TEX9: variants seen among roughly 807,000 people sequenced by gnomAD.
TEX9 encodes the protein testis-expressed protein 9.
TEX9 carries 74 observed loss-of-function variants against 59.6 expected under a neutral mutation model. The observed-to-expected ratio is 1.24, with a 90% CI of 1.03 to 1.51. The LOEUF (loss-of-function observed/expected upper bound fraction) is 1.51. TEX9 is among the 40% of genes most tolerant of loss of function. TEX9 has a pLI of 0.00. For synonymous variants in TEX9, 186 were observed against 152.2 expected, an observed-to-expected ratio of 1.22 and a Z score of -1.64; for missense variants, 522 against 447.8, an observed-to-expected ratio of 1.17 and a Z score of -1.49.
intron 1 of TEX9, among the ~76,000 whole-genome samples, chr15:56,260,809 T>G (rs1433854456): frequency 6.6e-6 from 1 of 152,022 alleles, no homozygotes; most frequent in African/African-American, 2.4e-5. Flanking sequence ...AAAGAGGTTA[T>G]GTAGGATTGA....
chr15:56,352,249 C>T (rs1316075786), intron 1 of TEX9, among the ~76,000 whole-genome samples: 1 of 150,468 alleles, frequency 6.6e-6, no homozygotes, highest in African/African-American at 2.4e-5. Flanking sequence ...AGTTAATTGC[C>T]GTCTTCTTTT....
the TEX9 span, among the ~76,000 whole-genome samples, chr15:56,457,732 C>A: frequency 6.6e-6 from 1 of 151,450 alleles, no homozygotes; most frequent in Non-Finnish European, 1.5e-5. Context: ...GGAGGACCGC[C>A]GGAGACCAGG....
At chr15:56,446,796 T>C, downstream of TEX9, 1 of 1,408,274 alleles carries the variant, frequency 7.1e-7, no homozygotes, top group East Asian at 2.3e-5. Context: ...CTAATTTTTA[T>C]TTTCTAAATG....
At chr15:56,447,399 T>C (rs2050914016), downstream of TEX9, 1 of 153,586 alleles carries the variant, frequency 6.5e-6, no homozygotes, top group Non-Finnish European at 1.5e-5. Context: ...AGTACTAATA[T>C]CTTTACATTA....
At chr15:56,246,505 G>C (rs1408622343) in intron 1 of TEX9, among the ~76,000 whole-genome samples, 1 of 152,184 alleles carries the variant, frequency 6.6e-6, no homozygotes. Context: ...AAAATTTTGA[G>C]TGTGGACTCA....
intron 1 of TEX9, among the ~76,000 whole-genome samples, chr15:56,250,057 A>G (rs1358189668): frequency 6.6e-6 from 1 of 152,186 alleles, no homozygotes; most frequent in African/African-American, 2.4e-5. Context: ...AGGAAAGCCC[A>G]GTAAGAACTG....
At chr15:56,269,333 C>G (rs1448023823) in intron 1 of TEX9, among the ~76,000 whole-genome samples, 1 of 152,030 alleles carries the variant, frequency 6.6e-6, no homozygotes, top group African/African-American at 2.4e-5. Flanking sequence ...CAGTTCTGCT[C>G]TGATCTTGGT....
In TEX9 at chr15:56,329,095, A is replaced by G. The variant is rs558083019; in HGVS notation, c.-106-44346A>G. On this transcript the variant is annotated intron_variant, in intron 1 of 5. Transcript: ENST00000560827. ...AGCTCAGCACAGAGAAGCACTCTCC[A>G]TTTGTTGGGGAGAAAGTAAGGGGAG... Among the ~76,000 whole-genome samples the G allele has an allele frequency of 1.3e-3, 191 of 152,304 alleles. 1 individual carries two copies. Among genetic ancestry groups the G allele is most frequent in the African/African-American group, 4.5e-3 (188 of 41,580 alleles).
chr15:56,419,301 T>C (rs925333131), intron 10 of TEX9, among the ~76,000 whole-genome samples: 17 of 151,900 alleles, frequency 1.1e-4, no homozygotes, highest in African/African-American at 4.1e-4. Flanking sequence ...TACAGACCTT[T>C]TCTGTAAAGG....
chr15:56,449,249 G>GGGA (rs1223864338), downstream of TEX9, among the ~76,000 whole-genome samples: 1 of 151,298 alleles, frequency 6.6e-6, no homozygotes, highest in African/African-American at 2.5e-5. Flanking sequence ...AGTGTCAGAG[G>GGGA]GGAAGTGTTT....
intron 1 of TEX9, among the ~76,000 whole-genome samples, chr15:56,353,806 T>C (rs2046631233): frequency 6.6e-6 from 1 of 152,150 alleles, no homozygotes; most frequent in Admixed American, 6.5e-5. Context: ...CTCAAACATA[T>C]TGTTGAGAGT....
At chr15:56,454,698 T>C in the TEX9 span, among the ~76,000 whole-genome samples, 1 of 152,210 alleles carries the variant, frequency 6.6e-6, no homozygotes, top group African/African-American at 2.4e-5. Context: ...ATAATGCTTC[T>C]GTATTATCCT....
chr15:56,362,877 C>G (rs1268897539), upstream of TEX9, among the ~76,000 whole-genome samples: 1 of 152,208 alleles, frequency 6.6e-6, no homozygotes, highest in African/African-American at 2.4e-5. Context: ...GCTTCTTTCA[C>G]TTAGCATAAT....
intron 2 of TEX9, among the ~76,000 whole-genome samples, chr15:56,369,340 G>A (rs1386174784): frequency 6.7e-6 from 1 of 149,914 alleles, no homozygotes; most frequent in Non-Finnish European, 1.5e-5. Context: ...CAGGCGCATG[G>A]CACCATGCCA....
At chr15:56,273,327 A>C (rs887997573) in intron 1 of TEX9, among the ~76,000 whole-genome samples, 5 of 152,202 alleles carry the variant, frequency 3.3e-5, no homozygotes, top group African/African-American at 1.2e-4. Flanking sequence ...TGGTTGACAT[A>C]GAATTTATAA....
At chr15:56,419,667 C>T (rs1249532732) in intron 10 of TEX9, among the ~76,000 whole-genome samples, 1 of 151,764 alleles carries the variant, frequency 6.6e-6, no homozygotes, top group Non-Finnish European at 1.5e-5. Context: ...GAACATAGTG[C>T]TAGTCTGTTT....
intron 4 of TEX9, among the ~76,000 whole-genome samples, chr15:56,385,519 C>A (rs79322425): frequency 6.6e-6 from 1 of 152,004 alleles, no homozygotes; most frequent in African/African-American, 2.4e-5. Flanking sequence ...TATAGTCTCT[C>A]CTTAGAAGCT....
At chr15:56,422,422 G>C (rs1368527070) in intron 10 of TEX9, among the ~76,000 whole-genome samples, 1 of 151,262 alleles carries the variant, frequency 6.6e-6, no homozygotes, top group Non-Finnish European at 1.5e-5. Flanking sequence ...TTTTTGAATT[G>C]CTTTTTTAAA....
chr15:56,325,550 G>A (rs2046003031), intron 1 of TEX9, among the ~76,000 whole-genome samples: 1 of 152,082 alleles, frequency 6.6e-6, no homozygotes. Context: ...TTAAGAAAAT[G>A]TTCATTATCA....
Sources: gnomAD v4.1 joint callset for allele counts (sites outside exome capture counted in the v4.1 genomes callset) on GRCh38, gnomAD v4.1.1 for gene constraint, MANE v1.5 for transcripts, NCBI Gene and HGNC (gene_info 2026-07-23, HGNC 2026-07-21) for gene names.